Variants in MAPK14 observed in about 807,000 individuals in gnomAD.
MAPK14 encodes the protein CSAID-binding protein.
A neutral mutation model predicts 49.6 loss-of-function variants in MAPK14; 16 were observed. That is an observed-to-expected ratio of 0.32 (90% CI 0.22 to 0.49). The LOEUF (loss-of-function observed/expected upper bound fraction) is 0.49. MAPK14 is among the 20% of genes least tolerant of loss of function. The pLI is 0.99. For missense variants in MAPK14, 200 were observed against 441.2 expected (o/e 0.45, Z 4.90); for synonymous variants, 142 against 158.0 (o/e 0.90, Z 0.76).
At chr6:36,048,064 CAG>C (rs1370293177) in intron 1 of MAPK14, among the ~76,000 whole-genome samples, 1 of 149,024 alleles carries the variant, frequency 6.7e-6, no homozygotes, top group East Asian at 2.0e-4. Context: ...TTTTTTGAGA[CAG>C]AGTCTCACTC....
At chr6:36,066,633 T>C (rs1295549129) in intron 3 of MAPK14, among the ~76,000 whole-genome samples, 1 of 152,142 alleles carries the variant, frequency 6.6e-6, no homozygotes, top group Non-Finnish European at 1.5e-5. Flanking sequence ...GAAGGAAATA[T>C]GTAAAGTGTA....
At chr6:36,053,469 A>G (rs1763478102) in intron 2 of MAPK14, among the ~76,000 whole-genome samples, 1 of 152,108 alleles carries the variant, frequency 6.6e-6, no homozygotes, top group South Asian at 2.1e-4. Flanking sequence ...AAAGATGCTT[A>G]CAAATTCTAA....
At chr6:36,062,663 T>C (rs2127429603) in intron 3 of MAPK14, among the ~76,000 whole-genome samples, 1 of 50,698 alleles carries the variant, frequency 2.0e-5, no homozygotes, top group South Asian at 1.5e-3. Flanking sequence ...TTTTCTTTTC[T>C]TTTTTTTTTT....
intron 8 of MAPK14, among the ~76,000 whole-genome samples, chr6:36,084,884 C>G (rs1764916529): frequency 6.6e-6 from 1 of 151,942 alleles, no homozygotes; most frequent in Admixed American, 6.6e-5. Flanking sequence ...ATCAGATTCT[C>G]CAAGGTTGAA....
chr6:36,060,574 C>G (rs1247375598), intron 3 of MAPK14, among the ~76,000 whole-genome samples: 1 of 152,148 alleles, frequency 6.6e-6, no homozygotes, highest in Non-Finnish European at 1.5e-5. Flanking sequence ...CCCATTGACC[C>G]CAGGGCTGAA....
rs545601747 is a variant in MAPK14, at chr6:36,079,495, T to TA, written c.682+2895dup. ...ATACACTAATGATAGCCGATGAACT[T>TA]AAAAAAAATTGCAAAAAAAAAATCT... On this transcript the variant is annotated intron_variant, in intron 8 of 11. Coordinates refer to ENST00000229794, the MANE Select transcript of MAPK14 (RefSeq NM_139012.3). 1.1e-4 allele frequency among the ~76,000 whole-genome samples: 16 copies of TA among 151,574 alleles called. No homozygotes were observed. The East Asian group carries it at 1.4e-3, about 13-fold the overall frequency.
the MAPK14 span, among the ~76,000 whole-genome samples, chr6:36,116,773 C>T: frequency 2.0e-5 from 3 of 152,108 alleles, no homozygotes; most frequent in Non-Finnish European, 2.9e-5. Flanking sequence ...CTTCCTTCAC[C>T]TCCTTCCCCC....
rs1765901925 is a variant in MAPK14 at position 36,109,542 on chromosome 6, G to A, written c.*1095G>A. ...TGATATCACCTCTCTTCAGCCCCTA[G>A]TGCTATTCTGTGTTGAACACAATTG... On this transcript the variant is annotated 3_prime_UTR_variant, in exon 12 of 12. Transcript: ENST00000229794. The A allele has an allele frequency of 6.6e-6, 1 of 152,614 alleles. No homozygotes were observed. Among genetic ancestry groups the A allele is most frequent in the African/African-American group, 2.4e-5 (1 of 41,440 alleles). The allele number at this position is 152,614 out of a possible 1,614,324, so 9.5% of individuals were successfully genotyped here.
intron 1 of MAPK14, among the ~76,000 whole-genome samples, chr6:36,045,383 G>C (rs372242261): frequency 1.6e-4 from 24 of 152,250 alleles, no homozygotes; most frequent in East Asian, 9.6e-4. Context: ...CCTCTCTTCA[G>C]CTCTCCTGAG....
intron 3 of MAPK14, among the ~76,000 whole-genome samples, chr6:36,071,180 A>G (rs557881273): frequency 6.6e-6 from 1 of 152,100 alleles, no homozygotes; most frequent in South Asian, 2.1e-4. Flanking sequence ...TAAAAATACA[A>G]AAATTAGCCA....
the MAPK14 span, among the ~76,000 whole-genome samples, chr6:36,122,970 G>A: frequency 8.5e-5 from 13 of 152,234 alleles, no homozygotes; most frequent in Admixed American, 5.9e-4. Flanking sequence ...AGGGGGAAGC[G>A]GGTGGTGTGC....
chr6:36,123,921 G>A, the MAPK14 span, among the ~76,000 whole-genome samples: 1 of 151,968 alleles, frequency 6.6e-6, no homozygotes, highest in African/African-American at 2.4e-5. Context: ...GGGGAGGGAG[G>A]TGTGAAGAGG....
At chr6:36,104,609 G>A (rs140538560) in intron 10 of MAPK14, among the ~76,000 whole-genome samples, 80 of 152,214 alleles carry the variant, frequency 5.3e-4, no homozygotes, top group African/African-American at 1.9e-3. Flanking sequence ...GGATGGTCTC[G>A]ATCTCCTGAC....
At chr6:36,099,899 G>A (rs1044547370) in intron 9 of MAPK14, among the ~76,000 whole-genome samples, 1 of 152,134 alleles carries the variant, frequency 6.6e-6, no homozygotes, top group Admixed American at 6.5e-5. Flanking sequence ...CTGGATCAAG[G>A]GGCAGTCTGT....
intron 8 of MAPK14, among the ~76,000 whole-genome samples, chr6:36,084,838 T>TACCCCATGAGAAGATCA (rs1764914323): frequency 6.6e-6 from 1 of 152,028 alleles, no homozygotes; most frequent in Non-Finnish European, 1.5e-5. Flanking sequence ...CCCAGTAAGC[T>TACCCCATGAGAAGATCA]ACCCCATGAG....
chr6:36,114,102 G>T (rs151236158), downstream of MAPK14, among the ~76,000 whole-genome samples: 98 of 152,326 alleles, frequency 6.4e-4, no homozygotes, highest in African/African-American at 2.1e-3. Flanking sequence ...CAGCATCCCT[G>T]GCCTCTACCC....
chr6:36,058,770 C>G (rs947809138), intron 2 of MAPK14, among the ~76,000 whole-genome samples: 1 of 151,828 alleles, frequency 6.6e-6, no homozygotes, highest in East Asian at 1.9e-4. Context: ...GGTGGTGGCA[C>G]GTGCTTATAG....
At chr6:36,040,838 A>G (rs1356269168) in intron 1 of MAPK14, among the ~76,000 whole-genome samples, 1 of 152,218 alleles carries the variant, frequency 6.6e-6, no homozygotes, top group Non-Finnish European at 1.5e-5. Context: ...AGCGTTTTCA[A>G]ACTCCTAGAA....
intron 8 of MAPK14, among the ~76,000 whole-genome samples, chr6:36,085,775 A>G (rs1764958250): frequency 6.6e-6 from 1 of 152,190 alleles, no homozygotes; most frequent in Non-Finnish European, 1.5e-5. Flanking sequence ...GAAAATTAAC[A>G]AGGATATTCA....
Sources: gnomAD v4.1 joint callset for allele counts (sites outside exome capture counted in the v4.1 genomes callset) on GRCh38, gnomAD v4.1.1 for gene constraint, MANE v1.5 for transcripts, NCBI Gene and HGNC (gene_info 2026-07-23, HGNC 2026-07-21) for gene names.